The following TULP4 variants were observed in gnomAD, a reference collection of about 807,000 sequenced individuals.
TULP4 encodes the protein tubby-related protein 4.
Under a neutral mutation model 129.0 loss-of-function variants are expected in TULP4, and 16 were observed. The observed-to-expected ratio is 0.12, with a 90% CI of 0.08 to 0.19. The LOEUF is 0.19. Ranked by LOEUF, TULP4 falls within the 10% of genes least tolerant of loss-of-function variation. The pLI is 1.00. For synonymous variants in TULP4, 998 were observed against 854.0 expected (o/e 1.17, Z -2.94); for missense variants, 1,842 against 2,059.1 (o/e 0.89, Z 2.04).
At chr6:158,241,953 C>T (rs986363295) in intron 1 of TULP4, 53 of 868,486 alleles carry the variant, frequency 6.1e-5, no homozygotes, top group Non-Finnish European at 8.2e-5. Flanking sequence ...CTACTCTTTC[C>T]GCATTGGTTA....
chr6:158,498,603 T>C (rs1780380457), intron 11 of TULP4, 66 bp from the exon 12 acceptor site: 1 of 1,596,848 alleles, frequency 6.3e-7, no homozygotes, highest in Admixed American at 1.7e-5. Flanking sequence ...TTCCTGTGAC[T>C]CTCTTGACAC....
chr6:158,319,417 C>CTTACTTGG (rs5881251), intron 1 of TULP4, among the ~76,000 whole-genome samples: 1 of 151,498 alleles, frequency 6.6e-6, no homozygotes, highest in African/African-American at 2.4e-5. Context: ...CATCTCTGCC[C>CTTACTTGG]TTACCTTATC....
chr6:158,324,472 G>A (rs1341917240), intron 1 of TULP4, among the ~76,000 whole-genome samples: 2 of 152,130 alleles, frequency 1.3e-5, no homozygotes, highest in African/African-American at 2.4e-5. Context: ...GGACCTTAAT[G>A]TTCATTTCGG....
chr6:158,241,127 G>T (rs1195414857), intron 1 of TULP4, among the ~76,000 whole-genome samples: 28 of 134,274 alleles, frequency 2.1e-4, no homozygotes, highest in Non-Finnish European at 4.3e-4. Context: ...GGGCAGAGGC[G>T]CTCCCCACAT....
At chr6:158,457,756 A>G (rs1309397851) in intron 5 of TULP4, among the ~76,000 whole-genome samples, 1 of 151,940 alleles carries the variant, frequency 6.6e-6, no homozygotes, top group African/African-American at 2.4e-5. Flanking sequence ...TCTTTTTGTC[A>G]TTTCATTAAG....
At chr6:158,239,625 G>T (rs1777812621) in intron 1 of TULP4, among the ~76,000 whole-genome samples, 1 of 66,674 alleles carries the variant, frequency 1.5e-5, no homozygotes, top group African/African-American at 5.0e-5. Flanking sequence ...CGGGGCGGCT[G>T]GCCGGGTGGG....
chr6:158,426,980 C>T (rs192041272), intron 2 of TULP4, among the ~76,000 whole-genome samples: 3 of 152,190 alleles, frequency 2.0e-5, no homozygotes, highest in African/African-American at 7.2e-5. Context: ...CTTTTTGTTT[C>T]AGTTGTGAAT....
intron 1 of TULP4, among the ~76,000 whole-genome samples, chr6:158,288,664 C>G (rs1778872162): frequency 6.6e-6 from 1 of 152,072 alleles, no homozygotes; most frequent in Non-Finnish European, 1.5e-5. Context: ...CCACGCCCAG[C>G]TAATTTTTTG....
intron 2 of TULP4, among the ~76,000 whole-genome samples, chr6:158,426,583 C>T (rs776793352): frequency 2.6e-5 from 4 of 152,050 alleles, no homozygotes; most frequent in Non-Finnish European, 4.4e-5. Context: ...GTCTGTGTGT[C>T]GTTTTTGTAC....
intron 1 of TULP4, among the ~76,000 whole-genome samples, chr6:158,268,355 A>G (rs889641881): frequency 2.0e-5 from 3 of 152,118 alleles, no homozygotes; most frequent in African/African-American, 7.2e-5. Context: ...GATCATTTTA[A>G]TGGGACTTTG....
In TULP4 at chr6:158,510,041, CTT is replaced by C. The variant is rs1780703400; in HGVS notation, c.*3351_*3352del. 1 of 152,526 alleles carries C rather than the reference CTT, an allele frequency of 6.6e-6. No individual in the cohort carries two copies. Among genetic ancestry groups the C allele is most frequent in the African/African-American group, 2.4e-5 (1 of 41,434 alleles). The allele number at this position is 152,526 out of a possible 1,614,324, so 9.4% of individuals were successfully genotyped here. On this transcript the variant is annotated 3_prime_UTR_variant, in exon 14 of 14. Coordinates refer to ENST00000367097, the MANE Select transcript of TULP4 (RefSeq NM_020245.5). The stretch of plus-strand genomic sequence containing the variant: ...GGTTAACTGTATAAAGAATCTATGA[CTT>C]TTTGAGGGAAGTGTGATATATTAAC...
At position 158,503,622 on chromosome 6, in the gene TULP4, C is replaced by G; in HGVS notation, c.3959C>G (p.Ser1320Cys). 6.2e-7 allele frequency: 1 copy of G among 1,614,124 alleles called. No individual in the cohort carries two copies. Among genetic ancestry groups the G allele is most frequent in the Non-Finnish European group, 8.5e-7 (1 of 1,180,034 alleles). ...GCAGACAACTTCCAGGAAGTCCTCT[C>G]CCTGACCGAAAGCCCAGTCCCCCAG... Reference protein sequence around the residue: ...ETADNFQEVLSLTESPVPQRT... With the variant: ...ETADNFQEVLCLTESPVPQRT... The change falls in exon 13 of 14, where the codon TCC (serine) becomes TGC (cysteine). Residue 1320 changes from serine (S) to cysteine (C), a missense_variant. Physicochemically the swap from Ser to Cys is moderately radical, Grantham distance 112. Transcript: ENST00000367097. The surrounding 1 kb of genome is among the most constrained non-coding windows in gnomAD (Gnocchi z 4.3).
chr6:158,334,059 T>C (rs1250987909), intron 1 of TULP4, among the ~76,000 whole-genome samples: 2 of 152,206 alleles, frequency 1.3e-5, no homozygotes, highest in African/African-American at 4.8e-5. Flanking sequence ...GTCATCCCAG[T>C]GTGAGCAGTT....
chr6:158,257,597 A>T lies in TULP4; in HGVS notation n.68+25294A>T, dbSNP rs183548674. Among the ~76,000 whole-genome samples the T allele has an allele frequency of 4.3e-4, 66 of 152,242 alleles. 2 individuals carry two copies. The highest frequency in any genetic ancestry group is 1.9e-3 in the East Asian group (10 of 5,192). The stretch of plus-strand genomic sequence containing the variant: ...ATGAATCATCAGCATGTTTTCTCTA[A>T]TATGATGTCCCTTTGGTTTTGCAGC... On this transcript the variant is annotated intron_variant and non_coding_transcript_variant, in intron 1 of 1. Coordinates refer to the TULP4 transcript ENST00000620026.
chr6:158,316,785 G>T (rs1779502277), intron 1 of TULP4, among the ~76,000 whole-genome samples: 2 of 152,194 alleles, frequency 1.3e-5, no homozygotes. Context: ...TAGCTCCTCT[G>T]AGGCTCAGGG....
intron 6 of TULP4, among the ~76,000 whole-genome samples, chr6:158,474,205 A>T (rs1039343951): frequency 1.3e-5 from 2 of 152,218 alleles, no homozygotes; most frequent in East Asian, 3.8e-4. Flanking sequence ...TTTCTTCAAG[A>T]CAGATCCCCC....
chr6:158,437,517 C>T (rs1778778026), intron 3 of TULP4, among the ~76,000 whole-genome samples: 1 of 151,094 alleles, frequency 6.6e-6, no homozygotes, highest in African/African-American at 2.4e-5. Context: ...GCTGTGATAG[C>T]TCACTGCACT....
At chr6:158,272,247 C>A (rs1456343928) in intron 1 of TULP4, among the ~76,000 whole-genome samples, 1 of 152,146 alleles carries the variant, frequency 6.6e-6, no homozygotes, top group East Asian at 1.9e-4. Context: ...TGGGAATTAC[C>A]AGTGGTCACC....
At chr6:158,298,000 A>T (rs549466973) in intron 1 of TULP4, among the ~76,000 whole-genome samples, 1 of 152,066 alleles carries the variant, frequency 6.6e-6, no homozygotes, top group Non-Finnish European at 1.5e-5. Context: ...TAGGAATGCA[A>T]TTCTTTTCCT....
Sources: allele counts gnomAD v4.1 joint callset (sites outside exome capture counted in the v4.1 genomes callset), GRCh38; gene constraint gnomAD v4.1.1; non-coding constraint Gnocchi (gnomAD v3.1); transcripts MANE v1.5; gene names NCBI Gene and HGNC (gene_info 2026-07-23, HGNC 2026-07-21).